CACNA2D3: variants seen among roughly 807,000 people sequenced by gnomAD.
CACNA2D3 encodes voltage-dependent calcium channel subunit alpha-2/delta-3.
Under a neutral mutation model 160.6 loss-of-function variants are expected in CACNA2D3, and 60 were observed. The observed-to-expected ratio is 0.37, with a 90% CI of 0.30 to 0.46. The LOEUF is 0.46. Among genes scored for constraint, CACNA2D3 ranks in the 20% least tolerant of loss-of-function variants. The pLI is 1.00. For missense variants in CACNA2D3, 1,205 were observed against 1,365.0 expected (o/e 0.88, Z 1.85); for synonymous variants, 558 against 492.9 (o/e 1.13, Z -1.75).
intron 4 of CACNA2D3, among the ~76,000 whole-genome samples, chr3:54,404,616 C>G (rs1699537038): frequency 6.6e-6 from 1 of 152,032 alleles, no homozygotes; most frequent in East Asian, 1.9e-4. Flanking sequence ...CAACATAGTA[C>G]TGGAAGTATT....
chr3:54,336,791 T>G (rs1296657730), intron 3 of CACNA2D3, among the ~76,000 whole-genome samples: 2 of 152,134 alleles, frequency 1.3e-5, no homozygotes, highest in Non-Finnish European at 2.9e-5. Context: ...ACACTGATCT[T>G]GAGCGAAACA....
At chr3:54,210,424 TTG>T (rs148099415) in intron 2 of CACNA2D3, among the ~76,000 whole-genome samples, 7,233 of 151,338 alleles carry the variant, frequency 0.048, 230 homozygotes, top group East Asian at 0.16. Flanking sequence ...TGCAAAGTTT[TTG>T]TGTGTGTGTG....
At chr3:54,386,869 G>C in intron 4 of CACNA2D3, 95 bp downstream of exon 4, 1 of 1,147,672 alleles carries the variant, frequency 8.7e-7, no homozygotes, top group South Asian at 1.4e-5. Context: ...TCAGTGATTG[G>C]GAGGGAGAGG....
At chr3:54,258,428 A>C (rs1702341752) in intron 2 of CACNA2D3, among the ~76,000 whole-genome samples, 1 of 152,192 alleles carries the variant, frequency 6.6e-6, no homozygotes, top group Admixed American at 6.5e-5. Flanking sequence ...TGTATACCCA[A>C]ATCTGTAAGG....
At position 54,899,797 on chromosome 3, in the gene CACNA2D3, A is replaced by G. The variant is rs1168777667; in HGVS notation, c.2378A>G (p.Asn793Ser). The G allele has an allele frequency of 3.7e-6, 6 of 1,608,392 alleles. No homozygotes were observed. The highest frequency in any genetic ancestry group is 3.4e-5 in the Admixed American group (2 of 59,402). The change falls in exon 27 of 38, where the codon AAT becomes AGT. Residue 793 changes from asparagine to serine, a missense_variant. Asn to Ser is a conservative substitution (Grantham distance 46, BLOSUM62 1). Transcript: ENST00000474759. The part of the protein sequence containing the change: ...YSIPFSTGPV[N>S]KSNVVTASTS... ...TTTTTTCTTTTCACAGGACCAGTCA[A>G]TAAAAGCAATGTGGTGACAGCAAGT...
intron 2 of CACNA2D3, among the ~76,000 whole-genome samples, chr3:54,257,727 G>C (rs1013541192): frequency 3.3e-5 from 5 of 152,098 alleles, no homozygotes; most frequent in Admixed American, 6.6e-5. Flanking sequence ...AAAATAAATG[G>C]GCAAAGGGCA....
intron 2 of CACNA2D3, among the ~76,000 whole-genome samples, chr3:54,141,094 C>CGCGCGCACGCGCACGT (rs768348036): frequency 3.7e-5 from 3 of 81,892 alleles, no homozygotes; most frequent in African/African-American, 1.1e-4. Flanking sequence ...TGTGCGCGCG[C>CGCGCGCACGCGCACGT]GCGCGTGTGT....
intron 25 of CACNA2D3, among the ~76,000 whole-genome samples, chr3:54,891,950 C>G (rs1345116314): frequency 6.6e-6 from 1 of 152,152 alleles, no homozygotes; most frequent in East Asian, 1.9e-4. Context: ...AGTGGGCCCT[C>G]TGGGGATGCT....
At chr3:54,961,883 A>G (rs1702036562) in intron 27 of CACNA2D3, among the ~76,000 whole-genome samples, 1 of 152,068 alleles carries the variant, frequency 6.6e-6, no homozygotes, top group Non-Finnish European at 1.5e-5. Context: ...CTCTTCTCAG[A>G]GGCTGAGAAG....
At chr3:54,428,488 A>G (rs1384373255) in intron 4 of CACNA2D3, among the ~76,000 whole-genome samples, 1 of 152,178 alleles carries the variant, frequency 6.6e-6, no homozygotes, top group Non-Finnish European at 1.5e-5. Flanking sequence ...GATGATTCGC[A>G]CCAGTGCAGC....
chr3:54,846,603 A>G (rs1001151841), intron 17 of CACNA2D3, 136 bp downstream of exon 17: 2 of 576,226 alleles, frequency 3.5e-6, no homozygotes, highest in African/African-American at 1.9e-5. Context: ...AAAGATTGTT[A>G]TAGAGTTTAT....
intron 35 of CACNA2D3, among the ~76,000 whole-genome samples, chr3:55,037,791 T>G (rs1419803710): frequency 6.6e-6 from 1 of 152,218 alleles, no homozygotes; most frequent in Non-Finnish European, 1.5e-5. Context: ...TTCCCTGGCG[T>G]TAACCATATT....
chr3:54,200,953 G>A (rs1701166040), intron 2 of CACNA2D3, among the ~76,000 whole-genome samples: 1 of 152,166 alleles, frequency 6.6e-6, no homozygotes, highest in African/African-American at 2.4e-5. Context: ...GAAGCAACTT[G>A]CTGAAATGAT....
chr3:54,275,228 C>T (rs762309024), intron 2 of CACNA2D3, among the ~76,000 whole-genome samples: 2 of 152,202 alleles, frequency 1.3e-5, no homozygotes, highest in Admixed American at 6.5e-5. Flanking sequence ...TTCTTGGCAG[C>T]CTCTGCCCCG....
chr3:54,950,931 G>T lies in CACNA2D3; in HGVS notation c.2450-17519G>T, dbSNP rs190761276. On this transcript the variant is annotated intron_variant, in intron 27 of 37. Coordinates refer to ENST00000474759, the MANE Select transcript of CACNA2D3 (RefSeq NM_018398.3). ...GGAAAATAAAGAGGATACTCTCTGG[G>T]CTCAGTGGCAGAGGGGAAACTGAAG... Among the ~76,000 whole-genome samples, 5 of 152,314 alleles carry T rather than the reference G, an allele frequency of 3.3e-5. No homozygotes were observed. In the East Asian group the frequency reaches 7.7e-4, roughly 24 times the overall value.
intron 35 of CACNA2D3, among the ~76,000 whole-genome samples, chr3:55,041,926 G>A (rs1703968028): frequency 6.6e-6 from 1 of 151,896 alleles, no homozygotes; most frequent in Non-Finnish European, 1.5e-5. Flanking sequence ...TTAGAAGTGT[G>A]CCGCTTAATT....
chr3:54,928,496 T>A (rs1701093239), intron 27 of CACNA2D3, among the ~76,000 whole-genome samples: 1 of 152,186 alleles, frequency 6.6e-6, no homozygotes, highest in Admixed American at 6.5e-5. Flanking sequence ...ATTGGCCTGC[T>A]GGAGGCTGAC....
chr3:54,581,021 G>A (rs1362913113), intron 8 of CACNA2D3, among the ~76,000 whole-genome samples: 1 of 152,200 alleles, frequency 6.6e-6, no homozygotes, highest in Non-Finnish European at 1.5e-5. Context: ...GCAGGACCAA[G>A]GGTCCAGAGC....
chr3:54,123,673 G>T, intron 2 of CACNA2D3, 79 bp downstream of exon 2: 2 of 1,171,478 alleles, frequency 1.7e-6, no homozygotes, highest in Admixed American at 1.7e-5. Flanking sequence ...CCAAACAAAC[G>T]TGAGCCCCGA....
Sources: allele counts gnomAD v4.1 joint callset (sites outside exome capture counted in the v4.1 genomes callset), GRCh38; gene constraint gnomAD v4.1.1; transcripts MANE v1.5; gene names NCBI Gene and HGNC (gene_info 2026-07-23, HGNC 2026-07-21).